The following C9orf85 variants were observed in gnomAD, a reference collection of about 807,000 sequenced individuals.
C9orf85 encodes the protein chromosome 9 open reading frame 85.
Under a neutral mutation model 14.9 loss-of-function variants are expected in C9orf85, and 16 were observed. The observed-to-expected ratio is 1.08, with a 90% CI of 0.73 to 1.63. The LOEUF is 1.63. Ranked by LOEUF, C9orf85 falls within the 40% of genes most tolerant of loss-of-function variation. The probability of loss-of-function intolerance (pLI) is 0.00; values close to 1 mark genes in which losing one functional copy is unlikely to be tolerated. For missense variants in C9orf85, 172 were observed against 186.1 expected, an observed-to-expected ratio of 0.92 and a Z score of 0.44; for synonymous variants, 45 against 56.8, an observed-to-expected ratio of 0.79 and a Z score of 0.93.
rs529115084 is a variant in C9orf85 at position 71,914,019 on chromosome 9, G to A, written c.102+2183G>A. On this transcript the variant is annotated intron_variant, in intron 1 of 3. Coordinates refer to ENST00000334731, the MANE Select transcript of C9orf85 (RefSeq NM_182505.5). ...ATATTTTACTGAGGAAAAATCATTC[G>A]GTTGATTGTTCATCTGTGTAATGAA... Among the ~76,000 whole-genome samples, 733 of 152,232 alleles carry A rather than the reference G, an allele frequency of 4.8e-3. 4 individuals carry two copies. The highest frequency in any genetic ancestry group is 0.016 in the African/African-American group (667 of 41,530).
chr9:71,935,932 G>A (rs1367308482), intron 1 of C9orf85, among the ~76,000 whole-genome samples: 1 of 151,742 alleles, frequency 6.6e-6, no homozygotes, highest in African/African-American at 2.4e-5. Flanking sequence ...ACTGTTGGCT[G>A]TTTGGTCTCA....
chr9:71,960,023 A>G (rs1455074686), intron 2 of C9orf85, among the ~76,000 whole-genome samples: 1 of 152,376 alleles, frequency 6.6e-6, no homozygotes, highest in East Asian at 1.9e-4. Flanking sequence ...TTGGAGAGAG[A>G]GACTCCACAG....
intron 1 of C9orf85, among the ~76,000 whole-genome samples, chr9:71,918,880 A>G (rs972825923): frequency 2.0e-5 from 3 of 152,196 alleles, no homozygotes; most frequent in Admixed American, 6.5e-5. Flanking sequence ...TAAAGTGTAC[A>G]ATAAATGTAA....
chr9:71,976,661 C>CAA (rs1162481407), downstream of C9orf85, among the ~76,000 whole-genome samples: 5,324 of 104,932 alleles, frequency 0.051, 394 homozygotes, highest in African/African-American at 0.17. Flanking sequence ...GACTCCATCT[C>CAA]AAAAAAAAAA....
intron 2 of C9orf85, among the ~76,000 whole-genome samples, chr9:71,958,401 T>C (rs1174475661): frequency 6.6e-6 from 1 of 151,532 alleles, no homozygotes; most frequent in Non-Finnish European, 1.5e-5. Context: ...TAGCTGGGAA[T>C]GCAGGCATGC....
At chr9:71,940,592 A>G (rs767638439) in intron 1 of C9orf85, among the ~76,000 whole-genome samples, 100 of 152,364 alleles carry the variant, frequency 6.6e-4, no homozygotes, top group Middle Eastern at 3.4e-3. Context: ...TTTCAAGTGC[A>G]GGAAATAATG....
intron 2 of C9orf85, among the ~76,000 whole-genome samples, chr9:71,961,113 T>C (rs1016806516): frequency 6.6e-6 from 1 of 151,922 alleles, no homozygotes; most frequent in African/African-American, 2.4e-5. Flanking sequence ...GATTTCTCCA[T>C]GTTGGTCAGG....
chr9:71,949,884 C>T (rs550938092), intron 2 of C9orf85, among the ~76,000 whole-genome samples: 2 of 152,140 alleles, frequency 1.3e-5, no homozygotes, highest in Non-Finnish European at 2.9e-5. Flanking sequence ...ATAGGAAGGG[C>T]ACCTCTCATA....
At chr9:71,966,738 T>TG (rs1822702828) in intron 2 of C9orf85, among the ~76,000 whole-genome samples, 1 of 151,586 alleles carries the variant, frequency 6.6e-6, no homozygotes. Flanking sequence ...CAGTTATGAG[T>TG]GGGGGAGAAG....
At chr9:71,913,658 A>C (rs577583427) in intron 1 of C9orf85, among the ~76,000 whole-genome samples, 1 of 152,294 alleles carries the variant, frequency 6.6e-6, no homozygotes, top group African/African-American at 2.4e-5. Context: ...CGTCTTGTGT[A>C]TTCTTACCCT....
At chr9:71,937,595 G>A (rs891629407) in intron 1 of C9orf85, among the ~76,000 whole-genome samples, 5 of 152,098 alleles carry the variant, frequency 3.3e-5, no homozygotes, top group African/African-American at 1.2e-4. Context: ...TGAACAAGAG[G>A]ATCATTTTGA....
intron 1 of C9orf85, among the ~76,000 whole-genome samples, chr9:71,946,437 T>G (rs1822086643): frequency 1.3e-5 from 2 of 152,208 alleles, no homozygotes; most frequent in Non-Finnish European, 2.9e-5. Flanking sequence ...TACACATATC[T>G]TAACTGTGCA....
At chr9:71,981,704 C>A (rs566306413) in intron 3 of C9orf85, among the ~76,000 whole-genome samples, 1 of 152,010 alleles carries the variant, frequency 6.6e-6, no homozygotes, top group Non-Finnish European at 1.5e-5. Flanking sequence ...TATGTATTTC[C>A]TCAATTTATG....
At chr9:71,963,638 C>G (rs912234495) in intron 2 of C9orf85, among the ~76,000 whole-genome samples, 1 of 152,338 alleles carries the variant, frequency 6.6e-6, no homozygotes, top group Non-Finnish European at 1.5e-5. Context: ...CTCAGATTAG[C>G]TGGCCGGCCC....
intron 2 of C9orf85, among the ~76,000 whole-genome samples, chr9:71,953,387 C>T (rs75037336): frequency 1.3e-5 from 2 of 152,254 alleles, no homozygotes; most frequent in Non-Finnish European, 2.9e-5. Flanking sequence ...CCAGACCTTA[C>T]AAGCTGTGTG....
At chr9:71,984,357 TTCCTTTCTC>T (rs1823164641), downstream of C9orf85, 1 of 152,244 alleles carries the variant, frequency 6.6e-6, no homozygotes, top group Admixed American at 6.5e-5. Flanking sequence ...TTGATGCAGT[TTCCTTTCTC>T]TCTTCTCTGT....
intron 1 of C9orf85, among the ~76,000 whole-genome samples, chr9:71,944,465 G>C (rs1354965015): frequency 1.3e-5 from 2 of 151,560 alleles, no homozygotes; most frequent in African/African-American, 4.9e-5. Flanking sequence ...CGAACTAAAT[G>C]ACCTTTATAG....
intron 1 of C9orf85, among the ~76,000 whole-genome samples, chr9:71,920,167 G>A (rs771071986): frequency 2.0e-5 from 3 of 152,054 alleles, no homozygotes; most frequent in African/African-American, 7.2e-5. Context: ...GTTTCTTAAT[G>A]TTGAGGCCTG....
intron 2 of C9orf85, among the ~76,000 whole-genome samples, chr9:71,953,420 T>C (rs1289610585): frequency 6.6e-6 from 1 of 152,132 alleles, no homozygotes; most frequent in African/African-American, 2.4e-5. Flanking sequence ...TGAAAGAAGA[T>C]TTCATCATAA....
Sources: gnomAD v4.1 joint callset for allele counts (sites outside exome capture counted in the v4.1 genomes callset) on GRCh38, gnomAD v4.1.1 for gene constraint, MANE v1.5 for transcripts, NCBI Gene and HGNC (gene_info 2026-07-23, HGNC 2026-07-21) for gene names.